Variants in RNF157 observed in about 807,000 individuals in gnomAD.
RNF157 encodes E3 ubiquitin ligase RNF157.
RNF157 carries 55 observed loss-of-function variants against 88.3 expected under a neutral mutation model. The observed-to-expected ratio is 0.62, with a 90% CI of 0.50 to 0.78. RNF157 has a LOEUF of 0.78. RNF157 is among the 30% of genes least tolerant of loss of function. RNF157 has a pLI of 0.00. For missense variants in RNF157, 788 were observed against 860.8 expected (o/e 0.92, Z 1.06); for synonymous variants, 334 against 341.2 (o/e 0.98, Z 0.23).
intron 2 of RNF157, among the ~76,000 whole-genome samples, chr17:76,182,451 C>CTGTGTGTGTGTGTGTGTGTG (rs5822121): frequency 1.4e-5 from 2 of 144,028 alleles, no homozygotes; most frequent in Admixed American, 1.4e-4. Context: ...CGCATTTAGT[C>CTGTGTGTGTGTGTGTGTGTG]TGTGTGTGTG....
chr17:76,229,056 T>C (rs2070144198), intron 1 of RNF157, among the ~76,000 whole-genome samples: 1 of 152,132 alleles, frequency 6.6e-6, no homozygotes, highest in South Asian at 2.1e-4. Context: ...ACCCCTCTAC[T>C]AAAACTGTTC....
intron 13 of RNF157, 105 bp downstream of exon 13, chr17:76,158,288 G>A (rs563328948): frequency 3.9e-6 from 3 of 768,612 alleles, no homozygotes; most frequent in African/African-American, 1.7e-5. Flanking sequence ...GTGCTGACAA[G>A]GTGTTTGATG....
chr17:76,205,195 G>A (rs904390449), intron 2 of RNF157, among the ~76,000 whole-genome samples: 5 of 149,970 alleles, frequency 3.3e-5, no homozygotes, highest in African/African-American at 1.2e-4. Context: ...CTAGAGTGCA[G>A]TAGCATAATC....
intron 2 of RNF157, among the ~76,000 whole-genome samples, chr17:76,185,228 C>T (rs1568047057): frequency 6.6e-6 from 1 of 152,078 alleles, no homozygotes; most frequent in East Asian, 1.9e-4. Flanking sequence ...GACTTCCAGG[C>T]CCCCCCAGAT....
chr17:76,228,326 C>T (rs1160745237), intron 1 of RNF157, among the ~76,000 whole-genome samples: 4 of 152,152 alleles, frequency 2.6e-5, no homozygotes, highest in Non-Finnish European at 5.9e-5. Flanking sequence ...CCTTGTGGTG[C>T]TCTCAGAACC....
chr17:76,236,161 T>C (rs937237136), intron 1 of RNF157, among the ~76,000 whole-genome samples: 2 of 152,224 alleles, frequency 1.3e-5, no homozygotes, highest in African/African-American at 4.8e-5. Flanking sequence ...GGACTCTGAT[T>C]ACCATTCTGA....
chr17:76,222,913 CAG>C (rs2070010824), intron 1 of RNF157, among the ~76,000 whole-genome samples: 1 of 150,104 alleles, frequency 6.7e-6, no homozygotes, highest in Non-Finnish European at 1.5e-5. Context: ...TTTTTTGAGA[CAG>C]AGTCTCGCTC....
At chr17:76,177,054 T>C (rs12937813) in intron 2 of RNF157, among the ~76,000 whole-genome samples, 15,570 of 151,934 alleles carry the variant, frequency 0.1, 994 homozygotes, top group African/African-American at 0.18. Context: ...CAGGATCCAC[T>C]CTGTCCCAGA....
At position 76,149,907 on chromosome 17, in the gene RNF157, G is replaced by A. The variant is rs147195902; in HGVS notation, c.1921+2448C>T. 7.3e-3 allele frequency among the ~76,000 whole-genome samples: 1,114 copies of A among 152,066 alleles called. 18 individuals carry two copies. Among genetic ancestry groups the A allele is most frequent in the African/African-American group, 0.025 (1,046 of 41,458 alleles). ...AAATTAGCCGGGCGTGGTGGCGGGCGCCTGTAATCCCAGCTACTCAGGAGG... is the reference window on the plus strand; with the variant it reads ...AAATTAGCCGGGCGTGGTGGCGGGCACCTGTAATCCCAGCTACTCAGGAGG... On this transcript the variant is annotated intron_variant, in intron 18 of 18. Coordinates refer to ENST00000269391, the MANE Select transcript of RNF157 (RefSeq NM_052916.3).
chr17:76,230,314 T>A (rs1048586680), intron 1 of RNF157, among the ~76,000 whole-genome samples: 1 of 152,176 alleles, frequency 6.6e-6, no homozygotes, highest in African/African-American at 2.4e-5. Flanking sequence ...TCAAAAGCAG[T>A]TTCTGCTCCA....
intron 2 of RNF157, among the ~76,000 whole-genome samples, chr17:76,179,169 A>G (rs111239013): frequency 0.02 from 2,989 of 152,082 alleles, 69 homozygotes; most frequent in African/African-American, 0.063. Context: ...TGAGGCAGAA[A>G]GATCGCTTGA....
intron 1 of RNF157, among the ~76,000 whole-genome samples, chr17:76,221,863 C>T (rs879817916): frequency 2.6e-5 from 4 of 152,174 alleles, no homozygotes; most frequent in Non-Finnish European, 5.9e-5. Context: ...CTGATACATG[C>T]TACAACATGA....
chr17:76,181,431 T>C (rs1421845101), intron 2 of RNF157, among the ~76,000 whole-genome samples: 1 of 152,166 alleles, frequency 6.6e-6, no homozygotes, highest in Non-Finnish European at 1.5e-5. Context: ...AATCTTTGTC[T>C]ATAAGATCTA....
In RNF157 at chr17:76,187,640, C is replaced by G. The variant is rs191526717; in HGVS notation, c.208-13850G>C. On this transcript the variant is annotated intron_variant, in intron 2 of 18. Transcript: ENST00000269391. The stretch of plus-strand genomic sequence containing the variant: ...ACAGGTTCTCACTCTGTCGCCCAGG[C>G]TGGAGTGCAGTGTGGCAATCTCAGC... Among the ~76,000 whole-genome samples the G allele has an allele frequency of 7.0e-3, 1,064 of 152,134 alleles. 10 individuals carry two copies. Among genetic ancestry groups the G allele is most frequent in the African/African-American group, 0.02 (841 of 41,498 alleles).
At chr17:76,202,581 T>C (rs2069603450) in intron 2 of RNF157, 1 of 154,094 alleles carries the variant, frequency 6.5e-6, no homozygotes, top group East Asian at 1.9e-4. Context: ...CCACACCTCA[T>C]GTGTGGACCA....
chr17:76,151,141 G>A (rs1025249817), intron 18 of RNF157, among the ~76,000 whole-genome samples: 10 of 152,250 alleles, frequency 6.6e-5, no homozygotes, highest in Non-Finnish European at 1.2e-4. Context: ...CCACGCTCAG[G>A]CAGGAAGGGG....
In RNF157 at chr17:76,195,455, A is replaced by G. The variant is rs1285365654; in HGVS notation, c.207+16909T>C. Among the ~76,000 whole-genome samples, 1 of 152,216 alleles carries G rather than the reference A, an allele frequency of 6.6e-6. No individual in the cohort carries two copies. Among genetic ancestry groups the G allele is most frequent in the Non-Finnish European group, 1.5e-5 (1 of 68,024 alleles). On this transcript the variant is annotated intron_variant, in intron 2 of 18. Transcript: ENST00000269391. The surrounding 1 kb of genome is among the most constrained non-coding windows in gnomAD (Gnocchi z 4.4). ...GTGGGAAAAAAAAATTGGTAGAATC[A>G]CTTTGAAAAGCGGTTAGCGGTATCT...
intron 2 of RNF157, among the ~76,000 whole-genome samples, chr17:76,194,623 C>T (rs1467996362): frequency 1.3e-5 from 2 of 152,304 alleles, no homozygotes; most frequent in Middle Eastern, 3.4e-3. Context: ...GTACCAGACA[C>T]GATTAGGTTT....
intron 1 of RNF157, among the ~76,000 whole-genome samples, chr17:76,230,290 AT>A (rs575501651): frequency 7.5e-4 from 115 of 152,348 alleles, no homozygotes; most frequent in Non-Finnish European, 1.4e-3. Context: ...ACCAGCCGAC[AT>A]TTAGGACTCA....
Sources: allele counts gnomAD v4.1 joint callset (sites outside exome capture counted in the v4.1 genomes callset), GRCh38; gene constraint gnomAD v4.1.1; non-coding constraint Gnocchi (gnomAD v3.1); transcripts MANE v1.5; gene names NCBI Gene and HGNC (gene_info 2026-07-23, HGNC 2026-07-21).